Variants in LAMA2 observed in about 807,000 individuals in gnomAD.
The protein encoded by LAMA2 is laminin subunit alpha 2.
Under a neutral mutation model 364.8 loss-of-function variants are expected in LAMA2, and 269 were observed. That is an observed-to-expected ratio of 0.74 (90% CI 0.67 to 0.82). LAMA2 has a LOEUF of 0.82. Ranked by LOEUF, LAMA2 falls within the 40% of genes least tolerant of loss-of-function variation. The pLI, the probability that LAMA2 is intolerant of heterozygous loss-of-function variation, is 0.00. For missense variants in LAMA2, 3,807 were observed against 3,873.2 expected, an observed-to-expected ratio of 0.98 and a Z score of 0.45; for synonymous variants, 1,379 against 1,370.6, an observed-to-expected ratio of 1.01 and a Z score of -0.14.
At chr6:129,389,651 C>T (rs891803771) in intron 35 of LAMA2, among the ~76,000 whole-genome samples, 2 of 152,136 alleles carry the variant, frequency 1.3e-5, no homozygotes, top group African/African-American at 4.8e-5. Context: ...TAACAAGAAG[C>T]ATGACTAGGA....
chr6:129,338,976 T>A (rs1241951499), intron 29 of LAMA2, among the ~76,000 whole-genome samples: 2 of 71,278 alleles, frequency 2.8e-5, no homozygotes, highest in African/African-American at 5.4e-5. Context: ...AAGGCGGGGG[T>A]GGGGGTGGCA....
chr6:129,391,527 T>C lies in LAMA2; in HGVS notation c.5108T>C (p.Leu1703Pro), dbSNP rs750792174. 4 of 1,613,958 alleles carry C rather than the reference T, an allele frequency of 2.5e-6. No individual in the cohort carries two copies. Among genetic ancestry groups the C allele is most frequent in the Admixed American group, 1.7e-5 (1 of 60,010 alleles). Residue 1703 changes from leucine (L) to proline (P), a missense_variant, in exon 36 of 65, where the codon CTA (leucine) becomes CCA (proline). This residue lies in a region of LAMA2 where 3,333 missense variants were observed against 3,345.7 expected (regional missense o/e 1.00). Coordinates refer to ENST00000421865, the MANE Select transcript of LAMA2 (RefSeq NM_000426.4). ...AAAGCTATAAAACTAAATGAAACTC[T>C]AGGAACTCGAGACGAGGCCTTTGAG... ...NEKAIKLNETLGTRDEAFERN... is the reference protein window; with the variant it reads ...NEKAIKLNETPGTRDEAFERN...
At chr6:129,274,347 C>T (rs1452211411) in intron 17 of LAMA2, among the ~76,000 whole-genome samples, 5 of 151,456 alleles carry the variant, frequency 3.3e-5, no homozygotes, top group Non-Finnish European at 7.4e-5. Flanking sequence ...GAGCTAGAAA[C>T]TCTGAGATAT....
chr6:129,427,260 G>T (rs1185808882), intron 40 of LAMA2, among the ~76,000 whole-genome samples: 1 of 152,154 alleles, frequency 6.6e-6, no homozygotes, highest in Non-Finnish European at 1.5e-5. Context: ...GCACTTGGGA[G>T]ATACAGGAAA....
At chr6:129,316,269 G>A in intron 27 of LAMA2, 98 bp downstream of exon 27, 1 of 995,246 alleles carries the variant, frequency 1.0e-6, no homozygotes, top group Non-Finnish European at 1.6e-6. Flanking sequence ...GAAAGTGATT[G>A]GTTTTGCAGT....
chr6:129,011,654 C>T (rs1784774704), intron 1 of LAMA2, among the ~76,000 whole-genome samples: 1 of 152,144 alleles, frequency 6.6e-6, no homozygotes, highest in South Asian at 2.1e-4. Flanking sequence ...AATGAACTTT[C>T]CAGAGATTAC....
intron 1 of LAMA2, among the ~76,000 whole-genome samples, chr6:128,991,091 AGTTC>A (rs1158582694): frequency 1.3e-5 from 2 of 152,118 alleles, no homozygotes; most frequent in Non-Finnish European, 2.9e-5. Context: ...TCGAAAAGTA[AGTTC>A]TTGGAATTTA....
chr6:129,384,848 T>A (rs1164292342), intron 35 of LAMA2, among the ~76,000 whole-genome samples: 19 of 151,908 alleles, frequency 1.3e-4, no homozygotes, highest in Admixed American at 1.2e-3. Flanking sequence ...TTCTAATTTA[T>A]GTGAAGTGCC....
intron 1 of LAMA2, among the ~76,000 whole-genome samples, chr6:128,884,285 A>G (rs1193999006): frequency 1.3e-5 from 2 of 152,102 alleles, no homozygotes; most frequent in African/African-American, 2.4e-5. Flanking sequence ...TTCAGCAAAC[A>G]ATTCTTTAAG....
chr6:129,468,242 T>C (rs1178923506), intron 51 of LAMA2, among the ~76,000 whole-genome samples: 1 of 151,818 alleles, frequency 6.6e-6, no homozygotes, highest in Admixed American at 6.6e-5. Flanking sequence ...CTATGAGGTT[T>C]AGTTGTTCAG....
intron 12 of LAMA2, among the ~76,000 whole-genome samples, chr6:129,197,704 A>T (rs1781933510): frequency 6.6e-6 from 1 of 152,198 alleles, no homozygotes; most frequent in Non-Finnish European, 1.5e-5. Flanking sequence ...CCTGTTTCTG[A>T]TACTTTTTGG....
intron 55 of LAMA2, among the ~76,000 whole-genome samples, chr6:129,483,935 T>C (rs1050166311): frequency 6.6e-6 from 1 of 152,228 alleles, no homozygotes; most frequent in East Asian, 1.9e-4. Flanking sequence ...AAACTAAATT[T>C]CTTTTTCATA....
Position 129,297,783 on chromosome 6 carries a change from T to A in LAMA2, c.2955T>A (p.Cys985Ter). Reference protein sequence around the residue: ...KSFDCEESGQCWCQPGVTGKK... With the variant: ...KSFDCEESGQ ...TCGACTGTGAAGAGAGTGGACAATGTTGGTGCCAACCTGGAGTCACAGGGA... is the reference window on the plus strand; with the variant it reads ...TCGACTGTGAAGAGAGTGGACAATGATGGTGCCAACCTGGAGTCACAGGGA... Residue 985 changes from cysteine (C) to a stop codon, truncating the protein, a stop_gained, in exon 21 of 65, where the codon TGT (cysteine) becomes TGA (stop). Coordinates refer to ENST00000421865, the MANE Select transcript of LAMA2 (RefSeq NM_000426.4). LOFTEE classifies it high-confidence loss of function. The A allele has an allele frequency of 1.9e-6, 3 of 1,614,116 alleles. No individual in the cohort carries two copies. Among genetic ancestry groups the A allele is most frequent in the Non-Finnish European group, 2.5e-6 (3 of 1,179,986 alleles).
At chr6:129,299,756 C>T (rs1404637600) in intron 21 of LAMA2, among the ~76,000 whole-genome samples, 1 of 152,146 alleles carries the variant, frequency 6.6e-6, no homozygotes. Context: ...TTTCTAAACA[C>T]CTTCCACAGC....
intron 1 of LAMA2, among the ~76,000 whole-genome samples, chr6:128,983,952 G>A (rs1783052137): frequency 6.6e-6 from 1 of 152,102 alleles, no homozygotes; most frequent in Non-Finnish European, 1.5e-5. Context: ...AAATATTAAT[G>A]ATATTTATTT....
chr6:129,189,754 A>G (rs1321673234), intron 10 of LAMA2, among the ~76,000 whole-genome samples: 1 of 152,182 alleles, frequency 6.6e-6, no homozygotes, highest in Admixed American at 6.5e-5. Context: ...GTGTAATATC[A>G]ATGTTCTATT....
chr6:129,467,819 A>G (rs1410686593), intron 51 of LAMA2, among the ~76,000 whole-genome samples: 2 of 151,934 alleles, frequency 1.3e-5, no homozygotes, highest in African/African-American at 2.4e-5. Context: ...AGTTAAAAAT[A>G]TGTTTTAGGT....
chr6:129,163,495 A>G, intron 8 of LAMA2, among the ~76,000 whole-genome samples: 1 of 152,144 alleles, frequency 6.6e-6, no homozygotes, highest in East Asian at 1.9e-4. Context: ...TTAGCCAGGC[A>G]TGGTGGCAGG....
intron 4 of LAMA2, among the ~76,000 whole-genome samples, chr6:129,139,812 A>G (rs571379096): frequency 1.3e-5 from 2 of 152,220 alleles, no homozygotes; most frequent in East Asian, 3.9e-4. Context: ...AGCTACACAT[A>G]TGGATTTACT....
Sources: gnomAD v4.1 joint callset for allele counts (sites outside exome capture counted in the v4.1 genomes callset) on GRCh38, gnomAD v4.1.1 for gene constraint, gnomAD v4.1.1 regional missense constraint, MANE v1.5 for transcripts, NCBI Gene and HGNC (gene_info 2026-07-23, HGNC 2026-07-21) for gene names.